ABCC5: variants seen among roughly 807,000 people sequenced by gnomAD.
ABCC5 encodes the protein ATP binding cassette subfamily C member 5.
A neutral mutation model predicts 160.9 loss-of-function variants in ABCC5; 61 were observed. That is an observed-to-expected ratio of 0.38 (90% confidence interval 0.31 to 0.47). The LOEUF (loss-of-function observed/expected upper bound fraction) is 0.47, where lower values mean the gene tolerates loss of function less well. Among genes scored for constraint, ABCC5 ranks in the 20% least tolerant of loss-of-function variants. The probability of loss-of-function intolerance (pLI) is 0.99; values close to 1 mark genes in which losing one functional copy is unlikely to be tolerated. For synonymous variants in ABCC5, 666 were observed against 700.6 expected, an observed-to-expected ratio of 0.95 and a Z score of 0.78; for missense variants, 1,308 against 1,813.3, an observed-to-expected ratio of 0.72 and a Z score of 5.06.
chr3:183,966,524 T>TCAA (rs1159612284), intron 12 of ABCC5, among the ~76,000 whole-genome samples: 1 of 152,186 alleles, frequency 6.6e-6, no homozygotes, highest in Non-Finnish European at 1.5e-5. Context: ...CACTGCCTAG[T>TCAA]CAACCCTGGA....
chr3:183,978,548 G>T lies in ABCC5; in HGVS notation c.1251C>A (p.Thr417=). ...PIVVVIASVV[T]FSVHMTLGFD... is the part of the protein sequence containing the mutation. ...AGCCCAGGGTCATATGAACAGAGAA[G>T]GTCACCACGCTGGCAATCACCACCA... Residue 417 remains threonine, a synonymous_variant, in exon 9 of 30, where the codon ACC becomes ACA. Coordinates refer to ENST00000334444, the MANE Select transcript of ABCC5 (RefSeq NM_005688.4). The T allele has an allele frequency of 1.2e-6, 2 of 1,614,136 alleles. No homozygotes were observed. Among genetic ancestry groups the T allele is most frequent in the South Asian group, 1.1e-5 (1 of 91,084 alleles).
At chr3:183,945,546 A>G (rs558609233) in intron 24 of ABCC5, among the ~76,000 whole-genome samples, 1 of 152,352 alleles carries the variant, frequency 6.6e-6, no homozygotes, top group East Asian at 1.9e-4. Context: ...TTAAAACAAT[A>G]CATGGTTTTA....
chr3:183,925,087 C>T (rs921023496), intron 29 of ABCC5, among the ~76,000 whole-genome samples: 1 of 152,196 alleles, frequency 6.6e-6, no homozygotes. Context: ...AGTTTGGTGC[C>T]GCTGCGTGAT....
intron 5 of ABCC5, chr3:183,984,805 T>C: frequency 3.2e-6 from 5 of 1,577,946 alleles, no homozygotes; most frequent in South Asian, 1.1e-5. Context: ...AGCCCCCTTT[T>C]CCTCACGTGA....
At chr3:184,008,719 C>T (rs899470673) in intron 2 of ABCC5, among the ~76,000 whole-genome samples, 5 of 152,360 alleles carry the variant, frequency 3.3e-5, no homozygotes, top group Admixed American at 3.3e-4. Context: ...GGTCACAATA[C>T]TGAGAAATGG....
In ABCC5 at chr3:183,921,916, A is replaced by G. The variant is rs1269188913; in HGVS notation, c.4213-515T>C. 6.6e-6 allele frequency among the ~76,000 whole-genome samples: 1 copy of G among 151,926 alleles called. No homozygotes were observed. The highest frequency in any genetic ancestry group is 1.5e-5 in the Non-Finnish European group (1 of 67,998). On this transcript the variant is annotated intron_variant, in intron 29 of 29. Transcript: ENST00000334444. The surrounding 1 kb of genome is among the most constrained non-coding windows in gnomAD (Gnocchi z 4.1). ...ATGGTTGGCGGGTGCCTACAATCCC[A>G]GTGACTTGGGAGGCTGAGGCAGGAG...
Position 183,949,942 on chromosome 3 carries a change from C to T in ABCC5, c.3098+30G>A, listed in dbSNP as rs1715188160. On this transcript the variant is annotated intron_variant, in intron 21 of 29. Transcript: ENST00000334444. This position sits in a 1 kb window ranked among gnomAD's most constrained non-coding sequence, Gnocchi z 4.2. ...CCCAGCAACTGAGGCTTCTCCGTGG[C>T]CCCAGCAGACATGAACGCTTCCTAT... 4.3e-6 allele frequency: 7 copies of T among 1,613,962 alleles called. No homozygotes were observed. The East Asian group carries it at 1.6e-4, about 36-fold the overall frequency.
chr3:184,010,858 C>T (rs1480113679), intron 2 of ABCC5, among the ~76,000 whole-genome samples: 3 of 142,194 alleles, frequency 2.1e-5, no homozygotes, highest in Middle Eastern at 3.7e-3. Flanking sequence ...AGTGCAATGG[C>T]GCGATCTTGG....
chr3:183,943,460 A>C (rs1335148013), intron 24 of ABCC5, among the ~76,000 whole-genome samples: 1 of 152,216 alleles, frequency 6.6e-6, no homozygotes, highest in Non-Finnish European at 1.5e-5. Context: ...CTTCTTCTGC[A>C]TCTTAGTTTC....
chr3:183,927,011 C>T (rs1712641967), intron 28 of ABCC5, among the ~76,000 whole-genome samples: 1 of 151,880 alleles, frequency 6.6e-6, no homozygotes, highest in South Asian at 2.1e-4. Flanking sequence ...GGCCACTACA[C>T]TCCAGCCTGG....
chr3:183,990,552 A>G (rs1254721798), intron 2 of ABCC5, among the ~76,000 whole-genome samples: 2 of 152,158 alleles, frequency 1.3e-5, no homozygotes, highest in African/African-American at 2.4e-5. Context: ...AAAAATTTCC[A>G]TCAGCCCCAA....
In ABCC5 at chr3:183,985,159, T is replaced by C. The variant is rs1719097077; in HGVS notation, c.592-2152A>G. The C allele has an allele frequency of 3.7e-6, 3 of 801,674 alleles. No homozygotes were observed. In the Admixed American group the frequency reaches 7.9e-5, roughly 21 times the overall value. 49.7% of individuals were successfully genotyped at this position (801,674 alleles called of 1,614,324 possible). ...TTTAGGGGATAAAGAAAAAAGAGGT[T>C]TTCATGAAAAATCCAACCAAAATTT... On this transcript the variant is annotated intron_variant, in intron 5 of 29. Transcript: ENST00000334444.
At chr3:184,016,748 A>G (rs1722224511) in intron 1 of ABCC5, among the ~76,000 whole-genome samples, 1 of 152,236 alleles carries the variant, frequency 6.6e-6, no homozygotes, top group Non-Finnish European at 1.5e-5. Flanking sequence ...GAGAACCCCA[A>G]AGAAGTGCCC....
intron 12 of ABCC5, among the ~76,000 whole-genome samples, chr3:183,966,600 C>T (rs914472163): frequency 6.6e-6 from 1 of 152,148 alleles, no homozygotes. Flanking sequence ...CCTTCTCCCC[C>T]TCCCCCCATC....
At chr3:183,965,106 T>C in intron 14 of ABCC5, 79 bp downstream of exon 14, 1 of 1,448,198 alleles carries the variant, frequency 6.9e-7, no homozygotes, top group Non-Finnish European at 9.6e-7. Context: ...CCCAAGCATT[T>C]CAGTTGCACT....
At chr3:183,957,346 C>A (rs1415594578) in intron 17 of ABCC5, among the ~76,000 whole-genome samples, 1 of 124,254 alleles carries the variant, frequency 8.0e-6, no homozygotes, top group Non-Finnish European at 1.7e-5. Flanking sequence ...GTGTGTACAT[C>A]ACATCGGTTA....
chr3:183,981,644 C>CTT (rs2108853000), intron 8 of ABCC5, 83 bp downstream of exon 8: 1 of 1,483,378 alleles, frequency 6.7e-7, no homozygotes, highest in Admixed American at 2.0e-5. Flanking sequence ...GTAATGTGCT[C>CTT]AGAAAGCAAA....
intron 26 of ABCC5, 40 bp downstream of exon 26, chr3:183,937,861 C>T (rs1713897770): frequency 6.2e-7 from 1 of 1,607,858 alleles, no homozygotes; most frequent in Non-Finnish European, 8.5e-7. Flanking sequence ...CATCTGGCCT[C>T]TAAGTGACGC....
chr3:183,977,877 C>A (rs770762749), intron 9 of ABCC5, among the ~76,000 whole-genome samples: 2 of 151,954 alleles, frequency 1.3e-5, no homozygotes, highest in Non-Finnish European at 2.9e-5. Context: ...CTCAGCCTCC[C>A]GAGTAGCTGG....
Sources: allele counts gnomAD v4.1 joint callset (sites outside exome capture counted in the v4.1 genomes callset), GRCh38; gene constraint gnomAD v4.1.1; non-coding constraint Gnocchi (gnomAD v3.1); transcripts MANE v1.5; gene names NCBI Gene and HGNC (gene_info 2026-07-23, HGNC 2026-07-21).